The following RP1 variants were observed in gnomAD, a reference collection of about 807,000 sequenced individuals.
RP1 encodes oxygen-regulated protein 1.
RP1 carries 16 observed loss-of-function variants against 14.8 expected under a neutral mutation model. That is an observed-to-expected ratio of 1.08 (90% confidence interval 0.73 to 1.65). RP1 has a LOEUF of 1.65. Ranked by LOEUF, RP1 falls within the 40% of genes most tolerant of loss-of-function variation. RP1 has a pLI of 0.00. For synonymous variants in RP1, 876 were observed against 883.6 expected (o/e 0.99, Z 0.15); for missense variants, 2,631 against 2,535.0 (o/e 1.04, Z -0.81).
chr8:54,578,980 A>G (rs556778046), intron 1 of RP1, among the ~76,000 whole-genome samples: 1 of 152,292 alleles, frequency 6.6e-6, no homozygotes, highest in South Asian at 2.1e-4. Flanking sequence ...AAATAAAGCC[A>G]TTTCCCCAAA....
chr8:54,671,195 T>G (rs1406203217), intron 7 of RP1, among the ~76,000 whole-genome samples: 1 of 152,118 alleles, frequency 6.6e-6, no homozygotes, highest in Non-Finnish European at 1.5e-5. Flanking sequence ...TCTACACAAA[T>G]TTACTCATAA....
At chr8:54,863,270 C>T (rs1812391179) in intron 27 of RP1, among the ~76,000 whole-genome samples, 5 of 152,008 alleles carry the variant, frequency 3.3e-5, no homozygotes, top group Admixed American at 2.0e-4. Flanking sequence ...GTGACAGTTG[C>T]CTACAGTATT....
At chr8:54,841,414 A>G (rs1283895362) in intron 25 of RP1, among the ~76,000 whole-genome samples, 1 of 152,240 alleles carries the variant, frequency 6.6e-6, no homozygotes, top group Non-Finnish European at 1.5e-5. Flanking sequence ...TTAATTTAGT[A>G]GCACAAAAAG....
exon 7 of RP1, chr8:54,663,840 T>C: frequency 6.6e-7 from 1 of 1,526,682 alleles, no homozygotes; most frequent in Non-Finnish European, 8.7e-7. Context: ...TTCAATTTTT[T>C]AAGAGGACAA....
intron 7 of RP1, among the ~76,000 whole-genome samples, chr8:54,673,304 T>C (rs975600584): frequency 6.6e-6 from 1 of 152,236 alleles, no homozygotes; most frequent in African/African-American, 2.4e-5. Flanking sequence ...ACATCATGTA[T>C]TTTTCTTGGA....
intron 14 of RP1, among the ~76,000 whole-genome samples, chr8:54,705,764 T>A (rs1453103210): frequency 6.6e-6 from 1 of 151,614 alleles, no homozygotes; most frequent in Non-Finnish European, 1.5e-5. Context: ...TTGAGTATGG[T>A]CCTTAAGGAG....
At chr8:54,584,531 G>A (rs1205175247) in intron 1 of RP1, among the ~76,000 whole-genome samples, 1 of 152,182 alleles carries the variant, frequency 6.6e-6, no homozygotes, top group Non-Finnish European at 1.5e-5. Flanking sequence ...TTGGTGCAGA[G>A]CTGAGTTCAG....
chr8:54,831,470 G>T (rs11984944), intron 24 of RP1, among the ~76,000 whole-genome samples: 40,077 of 91,242 alleles, frequency 0.44, 5,935 homozygotes, highest in South Asian at 0.49. Flanking sequence ...CCTGTTTTTT[G>T]TTTTTGGTGG....
chr8:54,724,514 C>T (rs1363580843), intron 16 of RP1, among the ~76,000 whole-genome samples: 1 of 152,130 alleles, frequency 6.6e-6, no homozygotes, highest in Non-Finnish European at 1.5e-5. Context: ...TCTACCTAGA[C>T]AGCTCTGGTT....
At chr8:54,753,920 G>C (rs868535249) in intron 19 of RP1, among the ~76,000 whole-genome samples, 2 of 152,154 alleles carry the variant, frequency 1.3e-5, no homozygotes, top group Admixed American at 1.3e-4. Flanking sequence ...AGGAAGCAGA[G>C]GAAATTGAGG....
At chr8:54,666,202 C>T (rs1227131696) in intron 7 of RP1, among the ~76,000 whole-genome samples, 1 of 152,128 alleles carries the variant, frequency 6.6e-6, no homozygotes, top group African/African-American at 2.4e-5. Context: ...TCACAAAGGA[C>T]TTCTAATTAC....
rs551730273 is a variant in RP1, at chr8:54,592,946, G to C, written c.-12-28009G>C. On this transcript the variant is annotated intron_variant, in intron 1 of 22. Transcript: ENST00000636932. ...AGGAGCTTCTCTTTTGTCAAGAAAG[G>C]GGTCTAAACCGATCAGCTGGCCCCC... Among the ~76,000 whole-genome samples the C allele has an allele frequency of 2.0e-5, 3 of 152,248 alleles. No individual in the cohort carries two copies. The South Asian group carries it at 6.2e-4, about 32-fold the overall frequency.
Position 54,785,839 on chromosome 8 carries a change from A to T in RP1, c.3615+2129A>T, listed in dbSNP as rs1810305302. ...GGCCATTGGTGTGTTTTCACTGGAG[A>T]AATATCTATTCAAATGACTTGCCCA... On this transcript the variant is annotated intron_variant, in intron 24 of 28. Coordinates refer to the RP1 transcript ENST00000637698. Among the ~76,000 whole-genome samples, 4 of 152,126 alleles carry T rather than the reference A, an allele frequency of 2.6e-5. No homozygotes were observed. The South Asian group carries it at 8.3e-4, about 32-fold the overall frequency.
intron 12 of RP1, among the ~76,000 whole-genome samples, chr8:54,683,749 G>T (rs1352690870): frequency 6.6e-6 from 1 of 152,162 alleles, no homozygotes. Context: ...TGCAAACAAA[G>T]ATAATTTGGC....
intron 12 of RP1, among the ~76,000 whole-genome samples, chr8:54,699,148 T>C (rs985299790): frequency 6.6e-6 from 1 of 150,982 alleles, no homozygotes; most frequent in Non-Finnish European, 1.5e-5. Context: ...ATATTGTATA[T>C]GTATATAGAT....
intron 11 of RP1, chr8:54,679,700 AAAC>A: frequency 6.6e-7 from 1 of 1,526,528 alleles, no homozygotes; most frequent in Non-Finnish European, 8.8e-7. Context: ...TGTTAAAACA[AAAC>A]AGCCTATAGA....
chr8:54,613,783 G>A (rs1585551763), upstream of RP1, among the ~76,000 whole-genome samples: 1 of 152,060 alleles, frequency 6.6e-6, no homozygotes, highest in Non-Finnish European at 1.5e-5. Context: ...AACAATATAT[G>A]CAAAAATCTA....
Position 54,685,420 on chromosome 8 carries a change from T to A in RP1, c.1717+5487T>A, listed in dbSNP as rs1310417469. Among the ~76,000 whole-genome samples the A allele has an allele frequency of 2.0e-4, 31 of 152,214 alleles. 1 individual carries two copies. The highest frequency in any genetic ancestry group is 2.0e-3 in the Admixed American group (31 of 15,248). ...CTTAATTTCGTTATTTACCCAGGAT[T>A]CATTCAGGAGCAGGTCGTTCAATTT... On this transcript the variant is annotated intron_variant, in intron 12 of 22. Transcript: ENST00000636932.
chr8:54,720,163 A>G (rs1808500180), exon 16 of RP1: 2 of 1,535,200 alleles, frequency 1.3e-6, no homozygotes, highest in Non-Finnish European at 8.7e-7. Flanking sequence ...TTTAAAATTA[A>G]GAAGAACTTG....
Sources: allele counts gnomAD v4.1 joint callset (sites outside exome capture counted in the v4.1 genomes callset), GRCh38; gene constraint gnomAD v4.1.1; transcripts MANE v1.5; gene names NCBI Gene and HGNC (gene_info 2026-07-23, HGNC 2026-07-21).